INO80C: variants seen among roughly 807,000 people sequenced by gnomAD.
INO80C encodes the protein INO80 complex subunit C.
Under a neutral mutation model 17.7 loss-of-function variants are expected in INO80C, and 17 were observed. That is an observed-to-expected ratio of 0.96 (90% confidence interval 0.66 to 1.44). The LOEUF (loss-of-function observed/expected upper bound fraction) is 1.44. INO80C is among the 40% of genes most tolerant of loss of function. INO80C has a pLI of 0.00. For synonymous variants in INO80C, 96 were observed against 95.8 expected (o/e 1.00, Z -0.01); for missense variants, 244 against 245.0 (o/e 1.00, Z 0.03).
chr18:35,479,410 T>G lies in INO80C; in HGVS notation c.269A>C (p.His90Pro). 6.2e-7 allele frequency: 1 copy of G among 1,608,152 alleles called. No individual in the cohort carries two copies. Among genetic ancestry groups the G allele is most frequent in the Non-Finnish European group, 8.5e-7 (1 of 1,174,692 alleles). ...PLPFKDPNFV[H>P]SGHGGAVAGK... ...AGCTACTGCGCCACCGTGGCCAGAG[T>G]GCTTGAATTGAAGGCATGGATTAGA... The change falls in exon 3 of 5, where the codon CAC becomes CCC. Residue 90 changes from histidine (H) to proline (P), a missense_variant and splice_region_variant. His to Pro is a moderately conservative substitution (Grantham distance 77). Transcript: ENST00000334598.
chr18:35,491,257 C>T (rs1317541131), intron 1 of INO80C, among the ~76,000 whole-genome samples: 2 of 152,148 alleles, frequency 1.3e-5, no homozygotes, highest in Admixed American at 6.5e-5. Context: ...CAGACAAGCA[C>T]GTCTGCTGAG....
chr18:35,493,541 G>A (rs556703927), intron 1 of INO80C, among the ~76,000 whole-genome samples: 2 of 152,260 alleles, frequency 1.3e-5, no homozygotes, highest in South Asian at 2.1e-4. Flanking sequence ...TTATTTAATA[G>A]TATTTCCTAA....
At position 35,495,653 on chromosome 18, in the gene INO80C, G is replaced by A. The variant is rs972733492; in HGVS notation, c.156+2066C>T. On this transcript the variant is annotated intron_variant, in intron 1 of 4. Transcript: ENST00000334598. Reference sequence around the variant, plus strand: ...GAAGTTGATCAACAATCCCTTTGGGGTCAAAACAATTATTCCTACCCATAT... The same window carrying A: ...GAAGTTGATCAACAATCCCTTTGGGATCAAAACAATTATTCCTACCCATAT... Among the ~76,000 whole-genome samples, 7 of 152,098 alleles carry A rather than the reference G, an allele frequency of 4.6e-5. No individual in the cohort carries two copies. The East Asian group carries it at 5.8e-4, about 13-fold the overall frequency.
At chr18:35,473,387 G>T (rs2045693820) in intron 4 of INO80C, among the ~76,000 whole-genome samples, 1 of 152,204 alleles carries the variant, frequency 6.6e-6, no homozygotes, top group African/African-American at 2.4e-5. Context: ...CTCTGCCTGT[G>T]ACAATTTCCT....
chr18:35,491,451 T>C (rs530864956), intron 1 of INO80C, among the ~76,000 whole-genome samples: 2 of 152,252 alleles, frequency 1.3e-5, no homozygotes, highest in Admixed American at 1.3e-4. Context: ...GAAGTCAGGC[T>C]GAAGAGAGGG....
chr18:35,486,086 A>T (rs1394844196), intron 1 of INO80C, among the ~76,000 whole-genome samples: 1 of 152,258 alleles, frequency 6.6e-6, no homozygotes, highest in South Asian at 2.1e-4. Flanking sequence ...ACTGCCTTCC[A>T]GCATGGGCAG....
At position 35,468,549 on chromosome 18, in the gene INO80C, A is replaced by G; in HGVS notation, c.*62T>C. 1 of 1,604,662 alleles carries G rather than the reference A, an allele frequency of 6.2e-7. No homozygotes were observed. Among genetic ancestry groups the G allele is most frequent in the African/African-American group, 1.3e-5 (1 of 74,688 alleles). ...CAGAACGAGTTTGTTTCCGTGAAAC[A>G]AAATCATGAGTCCAGAGTCTGTTTT... On this transcript the variant is annotated 3_prime_UTR_variant, in exon 5 of 5. Coordinates refer to ENST00000334598, the MANE Select transcript of INO80C (RefSeq NM_194281.4).
At chr18:35,483,882 G>A (rs979718674) in intron 1 of INO80C, among the ~76,000 whole-genome samples, 13 of 152,280 alleles carry the variant, frequency 8.5e-5, no homozygotes, top group African/African-American at 2.9e-4. Flanking sequence ...GCTTTTTGTA[G>A]AGTTTTGACT....
At chr18:35,488,499 T>C (rs1267739370) in intron 1 of INO80C, among the ~76,000 whole-genome samples, 1 of 55,082 alleles carries the variant, frequency 1.8e-5, no homozygotes, top group Admixed American at 2.1e-4. Flanking sequence ...TTGGCCCCTT[T>C]TACCATGGCT....
At chr18:35,492,952 G>A (rs1274730383) in intron 1 of INO80C, among the ~76,000 whole-genome samples, 5 of 152,146 alleles carry the variant, frequency 3.3e-5, no homozygotes, top group Admixed American at 3.3e-4. Context: ...CCATGAATTT[G>A]GTTATACCAG....
At chr18:35,472,872 C>G (rs2045687003) in intron 4 of INO80C, among the ~76,000 whole-genome samples, 1 of 152,138 alleles carries the variant, frequency 6.6e-6, no homozygotes, top group South Asian at 2.1e-4. Flanking sequence ...CTGGCAATTG[C>G]CTATTTATAT....
chr18:35,468,628 T>A lies in INO80C; in HGVS notation c.562A>T (p.Thr188Ser), dbSNP rs373942607. The change falls in exon 5 of 5, where the codon ACG becomes TCG. Residue 188 changes from threonine to serine, a missense_variant. Transcript: ENST00000334598. ...VTGYLALRKA[T>S]SIVP ...TCTGGGGCTCAGGGAACGATGCTCG[T>A]GGCCTTCCTCAGGGCCAGGTAGCCG... 2 of 1,614,026 alleles carry A rather than the reference T, an allele frequency of 1.2e-6. No individual in the cohort carries two copies. The highest frequency in any genetic ancestry group is 1.3e-5 in the African/African-American group (1 of 74,914).
intron 1 of INO80C, among the ~76,000 whole-genome samples, chr18:35,492,733 C>T (rs546006922): frequency 1.3e-5 from 2 of 152,288 alleles, no homozygotes; most frequent in East Asian, 3.9e-4. Flanking sequence ...CTCTCATTAT[C>T]TGCCCTATCC....
chr18:35,491,040 G>C (rs779003792), intron 1 of INO80C, among the ~76,000 whole-genome samples: 1 of 152,232 alleles, frequency 6.6e-6, no homozygotes, highest in Non-Finnish European at 1.5e-5. Context: ...GATTCCAGGT[G>C]TGAGCCACTG....
chr18:35,496,790 T>C (rs889577222), intron 1 of INO80C: 4 of 152,228 alleles, frequency 2.6e-5, no homozygotes, highest in African/African-American at 9.7e-5. Flanking sequence ...CCTCTCAAAG[T>C]GCTGGGATAC....
chr18:35,471,931 C>A (rs1358128213), intron 4 of INO80C, among the ~76,000 whole-genome samples: 11 of 152,282 alleles, frequency 7.2e-5, no homozygotes, highest in Admixed American at 2.6e-4. Flanking sequence ...AGGACATGAA[C>A]TCATCATTTT....
intron 1 of INO80C, chr18:35,497,374 G>C: frequency 9.3e-7 from 1 of 1,072,354 alleles, no homozygotes; most frequent in Non-Finnish European, 1.1e-6. Context: ...GATGTCTGCA[G>C]AATGGACGAG....
intron 4 of INO80C, among the ~76,000 whole-genome samples, chr18:35,477,602 C>CAA (rs918248696): frequency 6.6e-6 from 1 of 151,498 alleles, no homozygotes; most frequent in South Asian, 2.1e-4. Context: ...CAAAACAAAA[C>CAA]AAAAAAAGAT....
At position 35,479,204 on chromosome 18, in the gene INO80C, C is replaced by T. The variant is rs1299101045; in HGVS notation, c.379+96G>A. ...AAATTCTCAAGCTAAAAATTATTTC[C>T]TACAATGATGCAAACACAATACAAT... On this transcript the variant is annotated intron_variant, in intron 3 of 4. Transcript: ENST00000334598. The T allele has an allele frequency of 3.9e-6, 3 of 763,136 alleles. No individual in the cohort carries two copies. The African/African-American group carries it at 5.3e-5, about 13-fold the overall frequency. 47.3% of individuals were successfully genotyped at this position (763,136 alleles called of 1,614,324 possible).
Sources: allele counts gnomAD v4.1 joint callset (sites outside exome capture counted in the v4.1 genomes callset), GRCh38; gene constraint gnomAD v4.1.1; transcripts MANE v1.5; gene names NCBI Gene and HGNC (gene_info 2026-07-23, HGNC 2026-07-21).